Variants in FAM114A1 observed in about 807,000 individuals in gnomAD.
FAM114A1 encodes protein NOXP20.
A neutral mutation model predicts 64.3 loss-of-function variants in FAM114A1; 62 were observed. The ratio of observed to expected loss-of-function variants is 0.96; its 90% CI spans 0.79 to 1.19. FAM114A1 has a LOEUF of 1.19. Among genes scored for constraint, FAM114A1 ranks in the 50% most tolerant of loss-of-function variants. The pLI is 0.00. For synonymous variants in FAM114A1, 254 were observed against 251.1 expected, an observed-to-expected ratio of 1.01 and a Z score of -0.11; for missense variants, 645 against 676.3, an observed-to-expected ratio of 0.95 and a Z score of 0.51.
At chr4:38,926,273 G>A (rs575191631) in intron 9 of FAM114A1, among the ~76,000 whole-genome samples, 1 of 152,282 alleles carries the variant, frequency 6.6e-6, no homozygotes, top group East Asian at 1.9e-4. Context: ...CTGCAACACT[G>A]CCTCATACAG....
At chr4:38,941,842 A>C (rs957488127) in intron 14 of FAM114A1, among the ~76,000 whole-genome samples, 1 of 152,210 alleles carries the variant, frequency 6.6e-6, no homozygotes, top group Non-Finnish European at 1.5e-5. Context: ...TCCATTGCAA[A>C]ATTTGGAAAT....
chr4:38,905,766 G>A lies in FAM114A1; in HGVS notation c.562G>A (p.Ala188Thr). The change falls in exon 6 of 15, where the codon GCC (alanine) becomes ACC (threonine). Residue 188 changes from alanine (A) to threonine (T), a missense_variant. Coordinates refer to ENST00000358869, the MANE Select transcript of FAM114A1 (RefSeq NM_138389.4). Reference sequence around the variant, plus strand: ...TTTTTTCTCTTTAGTAACAGATGCAGCCACAGATCAGGGCCCTGCAGAAAG... The same window carrying A: ...TTTTTTCTCTTTAGTAACAGATGCAACCACAGATCAGGGCCCTGCAGAAAG... ...ENGVPEITDA[A>T]TDQGPAESPP... 1 of 1,612,856 alleles carries A rather than the reference G, an allele frequency of 6.2e-7. No individual in the cohort carries two copies. Among genetic ancestry groups the A allele is most frequent in the Non-Finnish European group, 8.5e-7 (1 of 1,179,690 alleles).
rs1720068572 is a variant in FAM114A1, at chr4:38,926,129, A to G, written c.1070-3113A>G. 2.0e-5 allele frequency among the ~76,000 whole-genome samples: 3 copies of G among 152,164 alleles called. No homozygotes were observed. The South Asian group carries it at 6.2e-4, about 32-fold the overall frequency. On this transcript the variant is annotated intron_variant, in intron 9 of 14. Coordinates refer to ENST00000358869, the MANE Select transcript of FAM114A1 (RefSeq NM_138389.4). ...TGTAAAGAGGATATGAGTGGGTTTT[A>G]TTGTCCTCAATTTTCAGAGGAGGCA...
intron 4 of FAM114A1, among the ~76,000 whole-genome samples, chr4:38,893,113 G>A (rs2109613656): frequency 6.6e-6 from 1 of 152,356 alleles, no homozygotes; most frequent in South Asian, 2.1e-4. Context: ...CGCCTGTTTT[G>A]TTTTCTGAAC....
At chr4:38,933,520 C>T (rs1320894468) in intron 12 of FAM114A1, among the ~76,000 whole-genome samples, 2 of 151,966 alleles carry the variant, frequency 1.3e-5, no homozygotes, top group African/African-American at 2.4e-5. Flanking sequence ...TATGTGTTGT[C>T]CTATATCATG....
At chr4:38,873,949 A>G (rs1579285357) in intron 2 of FAM114A1, among the ~76,000 whole-genome samples, 1 of 152,202 alleles carries the variant, frequency 6.6e-6, no homozygotes, top group Non-Finnish European at 1.5e-5. Context: ...GAAGAGCTGC[A>G]GTGAACAGGG....
At chr4:38,919,085 G>T (rs749896567) in intron 8 of FAM114A1, among the ~76,000 whole-genome samples, 1 of 150,952 alleles carries the variant, frequency 6.6e-6, no homozygotes, top group Non-Finnish European at 1.5e-5. Context: ...CCTGGGGGGC[G>T]GAGGTTGTAG....
intron 4 of FAM114A1, among the ~76,000 whole-genome samples, chr4:38,900,172 G>A (rs1029683682): frequency 4.0e-4 from 61 of 151,570 alleles, no homozygotes; most frequent in African/African-American, 1.4e-3. Context: ...TTAGAATGAC[G>A]TTTTGAAAAT....
chr4:38,876,737 T>C (rs942119113), intron 2 of FAM114A1, among the ~76,000 whole-genome samples: 6 of 152,244 alleles, frequency 3.9e-5, no homozygotes, highest in African/African-American at 1.4e-4. Context: ...TCAGTGTCCA[T>C]GGGCTAAAGT....
At chr4:38,913,822 G>A (rs908912719) in intron 7 of FAM114A1, among the ~76,000 whole-genome samples, 1 of 152,094 alleles carries the variant, frequency 6.6e-6, no homozygotes, top group African/African-American at 2.4e-5. Context: ...ACTCGGCCAG[G>A]TGCAGTGGCT....
chr4:38,905,586 T>C lies in FAM114A1; in HGVS notation c.501T>C (p.Ser167=). The change falls in exon 5 of 15, where the codon TCT becomes TCC. Residue 167 remains serine (S), a synonymous_variant. Coordinates refer to ENST00000358869, the MANE Select transcript of FAM114A1 (RefSeq NM_138389.4). ...GATLRIHGVN[S]GSSEGAQPNT... Reference sequence around the variant, plus strand: ...CTCTACGGATTCATGGTGTAAATTCTGGATCTTCTGAAGGAGCCCAACCAA... The same window carrying C: ...CTCTACGGATTCATGGTGTAAATTCCGGATCTTCTGAAGGAGCCCAACCAA... 6.2e-7 allele frequency: 1 copy of C among 1,614,232 alleles called. No homozygotes were observed. Among genetic ancestry groups the C allele is most frequent in the Non-Finnish European group, 8.5e-7 (1 of 1,180,046 alleles).
At chr4:38,940,561 T>C (rs140273820) in intron 13 of FAM114A1, among the ~76,000 whole-genome samples, 3 of 152,104 alleles carry the variant, frequency 2.0e-5, no homozygotes, top group African/African-American at 7.2e-5. Flanking sequence ...CATCAAAATA[T>C]CAAAATTTTA....
At chr4:38,914,699 GTT>G (rs1278565300) in intron 7 of FAM114A1, 1 of 474,526 alleles carries the variant, frequency 2.1e-6, no homozygotes, top group Non-Finnish European at 3.6e-6. Context: ...TTTTTGCTTT[GTT>G]TTGCCTTTCA....
At chr4:38,899,886 AT>A (rs904180252) in intron 4 of FAM114A1, among the ~76,000 whole-genome samples, 4 of 151,604 alleles carry the variant, frequency 2.6e-5, no homozygotes, top group Admixed American at 2.0e-4. Flanking sequence ...CTAATTTGCA[AT>A]TTTTTTTTCT....
rs768955546 is a variant in FAM114A1 at position 38,890,412 on chromosome 4, AC to A, written c.349-1330del. 1.1e-4 allele frequency among the ~76,000 whole-genome samples: 16 copies of A among 150,848 alleles called. 1 individual carries two copies. The highest frequency in any genetic ancestry group is 3.2e-4 in the African/African-American group (13 of 40,928). ...GCAAGACTCCGTCTCAAAAAAAAAA[AC>A]AAAAAAAAACAGCAAGGGAGTTGGG... On this transcript the variant is annotated intron_variant, in intron 3 of 14. Coordinates refer to ENST00000358869, the MANE Select transcript of FAM114A1 (RefSeq NM_138389.4).
At chr4:38,932,548 G>A (rs1720741074) in intron 12 of FAM114A1, among the ~76,000 whole-genome samples, 174 bp downstream of exon 12, 1 of 152,120 alleles carries the variant, frequency 6.6e-6, no homozygotes, top group Admixed American at 6.5e-5. Context: ...CCAGACTGGA[G>A]TGCAATGGCA....
At chr4:38,886,698 C>T (rs1046288088) in intron 3 of FAM114A1, among the ~76,000 whole-genome samples, 21 of 151,314 alleles carry the variant, frequency 1.4e-4, no homozygotes, top group Non-Finnish European at 2.9e-4. Context: ...GAGGCCGAGG[C>T]GGGCAGATCA....
intron 13 of FAM114A1, among the ~76,000 whole-genome samples, chr4:38,939,792 A>G (rs1230347272): frequency 6.6e-6 from 1 of 152,076 alleles, no homozygotes; most frequent in Non-Finnish European, 1.5e-5. Flanking sequence ...ATGGTCTAAG[A>G]GTAGATTGAA....
intron 14 of FAM114A1, among the ~76,000 whole-genome samples, chr4:38,941,360 C>T (rs113688077): frequency 0.019 from 2,819 of 152,206 alleles, 110 homozygotes; most frequent in Non-Finnish European, 0.018. Flanking sequence ...TATTGCTCAT[C>T]GGTGATTTTC....
Sources: gnomAD v4.1 joint callset for allele counts (sites outside exome capture counted in the v4.1 genomes callset) on GRCh38, gnomAD v4.1.1 for gene constraint, MANE v1.5 for transcripts, NCBI Gene and HGNC (gene_info 2026-07-23, HGNC 2026-07-21) for gene names.